MSI2: variants seen among roughly 807,000 people sequenced by gnomAD.
The protein encoded by MSI2 is musashi RNA binding protein 2.
In MSI2, 17 loss-of-function variants were observed where a neutral mutation model predicts 45.6. The observed-to-expected ratio is 0.37, with a 90% CI of 0.26 to 0.56. The LOEUF (loss-of-function observed/expected upper bound fraction) is 0.56. Ranked by LOEUF, MSI2 falls within the 20% of genes least tolerant of loss-of-function variation. The pLI is 0.77. For synonymous variants in MSI2, 156 were observed against 158.2 expected (o/e 0.99, Z 0.11); for missense variants, 293 against 444.2 (o/e 0.66, Z 3.06).
intron 7 of MSI2, among the ~76,000 whole-genome samples, chr17:57,534,057 C>T (rs572688828): frequency 6.6e-6 from 1 of 152,344 alleles, no homozygotes; most frequent in African/African-American, 2.4e-5. Context: ...GCACTTACAA[C>T]ACCAAGTGCT....
rs146307811 is a variant in MSI2 at position 57,478,840 on chromosome 17, C to T, written c.406-50836C>T. Among the ~76,000 whole-genome samples the T allele has an allele frequency of 4.6e-3, 697 of 152,338 alleles. 5 individuals carry two copies. Among genetic ancestry groups the T allele is most frequent in the African/African-American group, 0.016 (658 of 41,574 alleles). ...TGATTTCTTTTCTCTAGGAAACAAG[C>T]AAGACTTAACTGTTTAACCTGTGAG... On this transcript the variant is annotated intron_variant, in intron 6 of 13. Transcript: ENST00000284073.
intron 5 of MSI2, among the ~76,000 whole-genome samples, chr17:57,321,040 A>G (rs1038018937): frequency 3.3e-5 from 5 of 151,670 alleles, no homozygotes; most frequent in African/African-American, 1.2e-4. Flanking sequence ...CTAGGTGAGA[A>G]GGATTTAAGG....
chr17:57,489,017 C>T lies in MSI2; in HGVS notation c.406-40659C>T, dbSNP rs183643219. ...GTGTCCCGAGGCCTTCACTCTCAGT[C>T]CGTGCCCAGAGATGCAGCCCCCTTA... is the stretch of plus-strand genomic sequence containing the variant. On this transcript the variant is annotated intron_variant, in intron 6 of 13. Coordinates refer to ENST00000284073, the MANE Select transcript of MSI2 (RefSeq NM_138962.4). 5.7e-3 allele frequency among the ~76,000 whole-genome samples: 862 copies of T among 152,242 alleles called. 5 individuals are homozygous for T. Among genetic ancestry groups the T allele is most frequent in the Non-Finnish European group, 9.1e-3 (621 of 68,020 alleles).
intron 7 of MSI2, among the ~76,000 whole-genome samples, chr17:57,563,744 G>GCACACACACA (rs1447030230): frequency 8.6e-6 from 1 of 115,786 alleles, no homozygotes; most frequent in African/African-American, 4.0e-5. Context: ...ACACACAGGC[G>GCACACACACA]CGCACACACA....
At chr17:57,528,781 AAATT>A in intron 6 of MSI2, among the ~76,000 whole-genome samples, 1 of 152,300 alleles carries the variant, frequency 6.6e-6, no homozygotes, top group Non-Finnish European at 1.5e-5. Context: ...ATCTCATTTT[AAATT>A]AATTACTTCT....
downstream of MSI2, among the ~76,000 whole-genome samples, chr17:57,688,629 ATG>A (rs1257505168): frequency 6.6e-6 from 1 of 152,186 alleles, no homozygotes; most frequent in Admixed American, 6.5e-5. Context: ...ATATATATGT[ATG>A]TGTGTGTATA....
chr17:57,576,406 G>GT (rs2088048379), intron 7 of MSI2, among the ~76,000 whole-genome samples: 1 of 152,202 alleles, frequency 6.6e-6, no homozygotes, highest in Admixed American at 6.5e-5. Flanking sequence ...AGGAATAGAT[G>GT]TTTTCTGTAT....
At chr17:57,345,550 G>A (rs974697151) in intron 5 of MSI2, among the ~76,000 whole-genome samples, 2 of 152,130 alleles carry the variant, frequency 1.3e-5, no homozygotes, top group African/African-American at 4.8e-5. Context: ...CTAAAGTCCA[G>A]CTGGATGTGG....
At chr17:57,437,820 CT>C (rs1273241205) in intron 6 of MSI2, among the ~76,000 whole-genome samples, 1 of 152,162 alleles carries the variant, frequency 6.6e-6, no homozygotes, top group Non-Finnish European at 1.5e-5. Context: ...TAAAGTGCAT[CT>C]TTTTTCTACT....
At chr17:57,310,676 G>C (rs1276694349) in intron 5 of MSI2, among the ~76,000 whole-genome samples, 1 of 152,162 alleles carries the variant, frequency 6.6e-6, no homozygotes, top group Non-Finnish European at 1.5e-5. Flanking sequence ...TCTTTTCCTC[G>C]TGAAGGGTTA....
intron 6 of MSI2, among the ~76,000 whole-genome samples, chr17:57,420,828 A>C (rs924832458): frequency 6.6e-6 from 1 of 152,254 alleles, no homozygotes; most frequent in Non-Finnish European, 1.5e-5. Context: ...ATCTGAAGAT[A>C]GTTGCCAACA....
intron 11 of MSI2, among the ~76,000 whole-genome samples, chr17:57,659,012 G>A (rs1056574400): frequency 2.4e-4 from 36 of 152,178 alleles, no homozygotes; most frequent in African/African-American, 8.7e-4. Context: ...GTGCCCGGGT[G>A]TATCATTCAT....
intron 5 of MSI2, among the ~76,000 whole-genome samples, chr17:57,281,842 A>T (rs1433991159): frequency 6.6e-6 from 1 of 152,140 alleles, no homozygotes; most frequent in Non-Finnish European, 1.5e-5. Flanking sequence ...GCTCCGTGGG[A>T]TAACTTGGAG....
intron 7 of MSI2, among the ~76,000 whole-genome samples, chr17:57,563,630 G>A (rs1383103818): frequency 6.6e-6 from 1 of 152,018 alleles, no homozygotes; most frequent in East Asian, 1.9e-4. Context: ...TCCTAATGTG[G>A]ACTCTCGCCT....
intron 7 of MSI2, among the ~76,000 whole-genome samples, chr17:57,547,357 A>C (rs1323863914): frequency 6.6e-6 from 1 of 152,246 alleles, no homozygotes; most frequent in East Asian, 1.9e-4. Context: ...GGCTCCCTGA[A>C]TTAAGGAAGG....
intron 6 of MSI2, among the ~76,000 whole-genome samples, chr17:57,503,854 C>T (rs1339518794): frequency 6.6e-6 from 1 of 152,230 alleles, no homozygotes; most frequent in Non-Finnish European, 1.5e-5. Flanking sequence ...AAGCGATTCT[C>T]CTGCCTCAGC....
At chr17:57,623,204 C>G (rs1042201886) in intron 9 of MSI2, among the ~76,000 whole-genome samples, 4 of 152,084 alleles carry the variant, frequency 2.6e-5, no homozygotes, top group Non-Finnish European at 5.9e-5. Context: ...CTCATGGAGC[C>G]GATGAGGTGC....
intron 7 of MSI2, among the ~76,000 whole-genome samples, chr17:57,569,443 G>A (rs1174874227): frequency 6.6e-6 from 1 of 152,210 alleles, no homozygotes; most frequent in Non-Finnish European, 1.5e-5. Flanking sequence ...CATGAGGAGA[G>A]TCATGAGAAT....
intron 6 of MSI2, among the ~76,000 whole-genome samples, chr17:57,430,845 T>C (rs887538462): frequency 1.3e-5 from 2 of 152,140 alleles, no homozygotes; most frequent in African/African-American, 4.8e-5. Context: ...AATCAGAGCA[T>C]AGGGGGTCCT....
Sources: allele counts gnomAD v4.1 joint callset (sites outside exome capture counted in the v4.1 genomes callset), GRCh38; gene constraint gnomAD v4.1.1; transcripts MANE v1.5; gene names NCBI Gene and HGNC (gene_info 2026-07-23, HGNC 2026-07-21).